RSF1: variants seen among roughly 807,000 people sequenced by gnomAD.
The protein encoded by RSF1 is remodeling and spacing factor 1.
A neutral mutation model predicts 145.2 loss-of-function variants in RSF1; 13 were observed. The ratio of observed to expected loss-of-function variants is 0.09; its 90% CI spans 0.06 to 0.14. The LOEUF is 0.14. Ranked by LOEUF, RSF1 falls within the 10% of genes least tolerant of loss-of-function variation. The pLI is 1.00. For missense variants in RSF1, 1,517 were observed against 1,718.2 expected (o/e 0.88, Z 2.07); for synonymous variants, 577 against 592.6 (o/e 0.97, Z 0.38).
In RSF1 at chr11:77,701,803, T is replaced by C. The variant is rs1565153449; in HGVS notation, c.1426A>G (p.Lys476Glu). The change falls in exon 6 of 16, where the codon AAG (lysine) becomes GAG (glutamate). Residue 476 changes from lysine to glutamate, a missense_variant. By Grantham distance (56) the Lys-to-Glu change is moderately conservative (BLOSUM62 1). Around this residue, in one of 12 missense-constraint regions of RSF1, gnomAD observed 579 missense variants for 553.5 expected, o/e 1.05. Coordinates refer to ENST00000308488, the MANE Select transcript of RSF1 (RefSeq NM_016578.4). ...ETKEESYSPS[K>E]DRNIITEGNG... ...CCCTCCGTGATGATATTTCTGTCCT[T>C]AGAGGGGCTATAGCTCTCTTCCTTT... 1 of 1,614,086 alleles carries C rather than the reference T, an allele frequency of 6.2e-7. No individual in the cohort carries two copies.
intron 11 of RSF1, among the ~76,000 whole-genome samples, chr11:77,682,083 TA>T (rs1321721234): frequency 6.6e-6 from 1 of 152,222 alleles, no homozygotes; most frequent in Admixed American, 6.5e-5. Flanking sequence ...ACTGACTTCA[TA>T]TTTGCACTTT....
chr11:77,688,447 C>T (rs191498351), intron 9 of RSF1, among the ~76,000 whole-genome samples: 179 of 152,290 alleles, frequency 1.2e-3, no homozygotes, highest in African/African-American at 4.2e-3. Context: ...AAGGAAAAAT[C>T]TAGTTTTTAT....
At chr11:77,776,262 A>G (rs773520055) in intron 1 of RSF1, among the ~76,000 whole-genome samples, 1 of 152,198 alleles carries the variant, frequency 6.6e-6, no homozygotes, top group East Asian at 1.9e-4. Flanking sequence ...ACAGCATATT[A>G]GAAGATTCCT....
At chr11:77,736,659 T>G (rs1378965257) in intron 4 of RSF1, among the ~76,000 whole-genome samples, 2 of 152,226 alleles carry the variant, frequency 1.3e-5, no homozygotes, top group African/African-American at 4.8e-5. Context: ...TAAAGCTAAT[T>G]GGAATGTCAT....
the RSF1 span, among the ~76,000 whole-genome samples, chr11:77,828,453 G>C: frequency 6.6e-6 from 1 of 152,022 alleles, no homozygotes; most frequent in African/African-American, 2.4e-5. Flanking sequence ...GGATCACAAG[G>C]TCAGGAGATC....
intron 1 of RSF1, among the ~76,000 whole-genome samples, chr11:77,777,944 T>C (rs760229794): frequency 2.7e-5 from 4 of 148,962 alleles, no homozygotes; most frequent in Non-Finnish European, 5.9e-5. Context: ...CTAGTTCTTA[T>C]GTGCATAAAA....
intron 5 of RSF1, among the ~76,000 whole-genome samples, chr11:77,721,605 T>C (rs1251324136): frequency 6.6e-6 from 1 of 152,188 alleles, no homozygotes; most frequent in African/African-American, 2.4e-5. Context: ...AGTAATAATA[T>C]TACACTACTA....
the RSF1 span, chr11:77,872,054 A>C: frequency 7.0e-6 from 8 of 1,135,408 alleles, no homozygotes; most frequent in East Asian, 2.2e-4. Context: ...TGATACACTG[A>C]GTGATCGTGA....
the RSF1 span, among the ~76,000 whole-genome samples, chr11:77,862,048 G>C: frequency 1.3e-5 from 2 of 152,130 alleles, no homozygotes; most frequent in Non-Finnish European, 2.9e-5. Flanking sequence ...CTGTGTTATA[G>C]TGGACATAAT....
chr11:77,870,088 AC>A, the RSF1 span: 1 of 205,036 alleles, frequency 4.9e-6, no homozygotes, highest in African/African-American at 2.3e-5. Flanking sequence ...TTTTAATAAT[AC>A]TTTATATCCT....
intron 1 of RSF1, among the ~76,000 whole-genome samples, chr11:77,775,835 C>T (rs1034349634): frequency 2.0e-5 from 3 of 152,258 alleles, no homozygotes; most frequent in South Asian, 2.1e-4. Flanking sequence ...GTGGCACGAT[C>T]GGGGCTCACT....
intron 9 of RSF1, 160 bp downstream of exon 9, chr11:77,690,999 T>C: frequency 1.8e-6 from 1 of 566,852 alleles, no homozygotes; most frequent in East Asian, 2.9e-5. Context: ...ATAAAAAACA[T>C]TCTTAGTTAG....
intron 1 of RSF1, among the ~76,000 whole-genome samples, chr11:77,767,755 C>G (rs1183241218): frequency 6.6e-6 from 1 of 152,190 alleles, no homozygotes; most frequent in Non-Finnish European, 1.5e-5. Context: ...TTCATACTGT[C>G]TGTATCACTC....
In RSF1 at chr11:77,757,476, G is replaced by A. The variant is rs538160937; in HGVS notation, c.279+7122C>T. Among the ~76,000 whole-genome samples, 166 of 152,140 alleles carry A rather than the reference G, an allele frequency of 1.1e-3. 1 individual carries two copies. The highest frequency in any genetic ancestry group is 1.9e-3 in the Non-Finnish European group (128 of 67,976). On this transcript the variant is annotated intron_variant, in intron 2 of 15. Transcript: ENST00000308488. ...GGGTGGATCACGAGGTCAGGAGATC[G>A]AGACCATCCTGGCCAACATGGTGAA...
the RSF1 span, among the ~76,000 whole-genome samples, chr11:77,841,706 C>T: frequency 6.6e-6 from 1 of 152,166 alleles, no homozygotes; most frequent in Non-Finnish European, 1.5e-5. Flanking sequence ...CTCTGGTCCA[C>T]TTGGGATATG....
At chr11:77,802,691 G>A (rs976460764) in intron 1 of RSF1, among the ~76,000 whole-genome samples, 1 of 151,980 alleles carries the variant, frequency 6.6e-6, no homozygotes, top group African/African-American at 2.4e-5. Flanking sequence ...TTACAGGCAC[G>A]CACCAGCACG....
At chr11:77,813,149 CAACT>C (rs942042429) in intron 1 of RSF1, among the ~76,000 whole-genome samples, 13 of 152,046 alleles carry the variant, frequency 8.6e-5, no homozygotes, top group African/African-American at 3.1e-4. Context: ...ATATCTTACA[CAACT>C]TACTTTGAGA....
At chr11:77,867,230 T>C in the RSF1 span, among the ~76,000 whole-genome samples, 1 of 152,210 alleles carries the variant, frequency 6.6e-6, no homozygotes, top group South Asian at 2.1e-4. Flanking sequence ...CTCTCGCCCA[T>C]TTGTTATCTC....
chr11:77,781,805 T>C (rs1948407332), intron 1 of RSF1, among the ~76,000 whole-genome samples: 1 of 152,236 alleles, frequency 6.6e-6, no homozygotes, highest in African/African-American at 2.4e-5. Context: ...CTGCATTGTA[T>C]ATGTTTTTTA....
Sources: allele counts gnomAD v4.1 joint callset (sites outside exome capture counted in the v4.1 genomes callset), GRCh38; gene constraint gnomAD v4.1.1; regional missense constraint gnomAD v4.1.1; transcripts MANE v1.5; gene names NCBI Gene and HGNC (gene_info 2026-07-23, HGNC 2026-07-21).